Variants in SLCO5A1 observed in about 807,000 individuals in gnomAD.
SLCO5A1 encodes solute carrier organic anion transporter family member 5A1.
Under a neutral mutation model 65.1 loss-of-function variants are expected in SLCO5A1, and 39 were observed. The ratio of observed to expected loss-of-function variants is 0.60; its 90% CI spans 0.46 to 0.78. The LOEUF (loss-of-function observed/expected upper bound fraction) is 0.78. Among genes scored for constraint, SLCO5A1 ranks in the 30% least tolerant of loss-of-function variants. SLCO5A1 has a pLI of 0.00. For synonymous variants in SLCO5A1, 438 were observed against 415.7 expected, an observed-to-expected ratio of 1.05 and a Z score of -0.65; for missense variants, 1,029 against 1,069.4, an observed-to-expected ratio of 0.96 and a Z score of 0.53.
At chr8:69,821,266 G>A (rs1820625717) in intron 2 of SLCO5A1, among the ~76,000 whole-genome samples, 1 of 152,086 alleles carries the variant, frequency 6.6e-6, no homozygotes, top group Admixed American at 6.6e-5. Context: ...AGCTGAGGCA[G>A]GAGAATCGCT....
At chr8:69,821,234 C>T (rs1435658170) in intron 2 of SLCO5A1, among the ~76,000 whole-genome samples, 4 of 152,186 alleles carry the variant, frequency 2.6e-5, no homozygotes, top group Admixed American at 1.3e-4. Context: ...TGGCGCACCC[C>T]TGTAATCCCA....
chr8:69,712,739 C>T (rs1449153685), intron 5 of SLCO5A1, among the ~76,000 whole-genome samples: 2 of 152,094 alleles, frequency 1.3e-5, no homozygotes, highest in Non-Finnish European at 2.9e-5. Flanking sequence ...TTTTCAGTAT[C>T]CTCCTATTTA....
intron 5 of SLCO5A1, among the ~76,000 whole-genome samples, chr8:69,716,724 G>T (rs1262077277): frequency 1.3e-5 from 2 of 150,826 alleles, no homozygotes; most frequent in South Asian, 2.1e-4. Context: ...AGATATAACT[G>T]CCTTAGCAGA....
In SLCO5A1 at chr8:69,761,784, A is replaced by C. The variant is rs151053968; in HGVS notation, c.999T>G (p.Pro333=). Residue 333 remains proline (P), a synonymous_variant, in exon 3 of 10, where the codon CCT becomes CCG. Transcript: ENST00000260126. The part of the protein sequence containing the change: ...LIGFYVDPRN[P]VHLDQNDPRF... ...GAGGGTCATTCTGGTCAAGGTGAAC[A>C]GGATTTCTGGGATCAACATAAAAAC... 4.3e-5 allele frequency: 70 copies of C among 1,613,936 alleles called. No homozygotes were observed. The highest frequency in any genetic ancestry group is 5.8e-5 in the Non-Finnish European group (69 of 1,179,992).
intron 2 of SLCO5A1, among the ~76,000 whole-genome samples, chr8:69,781,533 T>A (rs773052178): frequency 1.3e-5 from 2 of 152,256 alleles, no homozygotes; most frequent in Non-Finnish European, 2.9e-5. Context: ...AAGATAACAT[T>A]GGGCATTTGT....
At chr8:69,810,444 G>A (rs758914046) in intron 2 of SLCO5A1, among the ~76,000 whole-genome samples, 1 of 152,114 alleles carries the variant, frequency 6.6e-6, no homozygotes, top group African/African-American at 2.4e-5. Context: ...GAGGAGTGCC[G>A]TTCCAGCTCC....
intron 4 of SLCO5A1, 78 bp from the exon 5 acceptor site, chr8:69,738,282 A>G (rs1816649447): frequency 7.3e-7 from 1 of 1,375,800 alleles, no homozygotes; most frequent in East Asian, 2.6e-5. Flanking sequence ...TGTTTTTGAA[A>G]TGAACTGGAA....
chr8:69,753,592 A>G (rs1264004339), intron 4 of SLCO5A1, among the ~76,000 whole-genome samples: 1 of 152,150 alleles, frequency 6.6e-6, no homozygotes, highest in Non-Finnish European at 1.5e-5. Context: ...GCTTTTTTCT[A>G]CTGTCCAATA....
chr8:69,731,393 T>C (rs1197450447), intron 5 of SLCO5A1, among the ~76,000 whole-genome samples: 1 of 152,262 alleles, frequency 6.6e-6, no homozygotes, highest in Admixed American at 6.5e-5. Context: ...TGATGCCATG[T>C]AGTATCCTTT....
intron 5 of SLCO5A1, among the ~76,000 whole-genome samples, chr8:69,727,757 A>T (rs1166786619): frequency 6.6e-6 from 1 of 152,232 alleles, no homozygotes; most frequent in Non-Finnish European, 1.5e-5. Flanking sequence ...ACAAAGATTC[A>T]TTCTTTTGAT....
chr8:69,812,493 T>C (rs907362578), intron 2 of SLCO5A1, among the ~76,000 whole-genome samples: 4 of 152,248 alleles, frequency 2.6e-5, no homozygotes, highest in Non-Finnish European at 5.9e-5. Context: ...GTTTATGTCC[T>C]AAATTAATAA....
At position 69,776,147 on chromosome 8, in the gene SLCO5A1, A is replaced by C. The variant is rs115809031; in HGVS notation, c.908-14272T>G. On this transcript the variant is annotated intron_variant, in intron 2 of 9. Coordinates refer to ENST00000260126, the MANE Select transcript of SLCO5A1 (RefSeq NM_030958.3). Reference sequence around the variant, plus strand: ...AGTTATTCTTGTCCAATGCTGGTACAAAGTCACACGATCAAGCTTCTGGAC... The same window carrying C: ...AGTTATTCTTGTCCAATGCTGGTACCAAGTCACACGATCAAGCTTCTGGAC... Among the ~76,000 whole-genome samples the C allele has an allele frequency of 7.3e-3, 1,118 of 152,340 alleles. 14 individuals are homozygous for C. The highest frequency in any genetic ancestry group is 0.026 in the African/African-American group (1,071 of 41,566).
At chr8:69,680,655 T>G (rs1221493701) in intron 7 of SLCO5A1, among the ~76,000 whole-genome samples, 1 of 152,146 alleles carries the variant, frequency 6.6e-6, no homozygotes, top group African/African-American at 2.4e-5. Flanking sequence ...TACACAGGAA[T>G]GAGATTGCTG....
chr8:69,808,917 C>A (rs775847958), intron 2 of SLCO5A1, among the ~76,000 whole-genome samples: 4 of 152,052 alleles, frequency 2.6e-5, no homozygotes, highest in Admixed American at 6.5e-5. Context: ...CCAGCCTGAC[C>A]AACATGATGA....
chr8:69,799,585 G>C (rs190750590), intron 2 of SLCO5A1, among the ~76,000 whole-genome samples: 110 of 152,322 alleles, frequency 7.2e-4, no homozygotes, highest in Non-Finnish European at 1.4e-3. Context: ...ACCTGAGACT[G>C]AGTAATTTAT....
rs578216614 is a variant in SLCO5A1, at chr8:69,755,473, T to C, written c.1209A>G (p.Glu403=). Residue 403 remains glutamate, a synonymous_variant, in exon 4 of 10, where the codon GAA becomes GAG. Coordinates refer to ENST00000260126, the MANE Select transcript of SLCO5A1 (RefSeq NM_030958.3). ...TCGAAGAAACTTTTTTGTCCGCTTG[T>C]TCACTGTTGTTTGATTTCTCCTTCA... is the stretch of plus-strand genomic sequence containing the variant. ...DVLKEKSNNS[E]QADKKVSSMG... is the part of the protein sequence containing the mutation. 2 of 1,614,094 alleles carry C rather than the reference T, an allele frequency of 1.2e-6. No individual in the cohort carries two copies. The highest frequency in any genetic ancestry group is 2.2e-5 in the South Asian group (2 of 91,076).
intron 2 of SLCO5A1, among the ~76,000 whole-genome samples, chr8:69,799,087 C>A (rs951021992): frequency 9.9e-5 from 15 of 152,080 alleles, no homozygotes; most frequent in African/African-American, 3.4e-4. Flanking sequence ...TTAAATAATT[C>A]TTTAACTTTT....
intron 2 of SLCO5A1, among the ~76,000 whole-genome samples, chr8:69,764,347 A>G (rs1817953160): frequency 1.3e-5 from 2 of 152,210 alleles, no homozygotes; most frequent in South Asian, 4.1e-4. Context: ...TTACTTTATC[A>G]TTCACACCTA....
chr8:69,803,243 C>G (rs1029465680), intron 2 of SLCO5A1, among the ~76,000 whole-genome samples: 1 of 152,046 alleles, frequency 6.6e-6, no homozygotes, highest in Non-Finnish European at 1.5e-5. Context: ...TGGTGAAACC[C>G]CATCTCTACT....
Sources: gnomAD v4.1 joint callset for allele counts (sites outside exome capture counted in the v4.1 genomes callset) on GRCh38, gnomAD v4.1.1 for gene constraint, MANE v1.5 for transcripts, NCBI Gene and HGNC (gene_info 2026-07-23, HGNC 2026-07-21) for gene names.